The following DPF1 variants were observed in gnomAD, a reference collection of about 807,000 sequenced individuals.
DPF1 encodes zinc finger protein neuro-d4.
DPF1 carries 14 observed loss-of-function variants against 58.7 expected under a neutral mutation model. The observed-to-expected ratio is 0.24, with a 90% CI of 0.16 to 0.37. The LOEUF (loss-of-function observed/expected upper bound fraction) is 0.37. Among genes scored for constraint, DPF1 ranks in the 10% least tolerant of loss-of-function variants. The pLI is 1.00. For synonymous variants in DPF1, 216 were observed against 216.0 expected (o/e 1.00, Z 0.00); for missense variants, 345 against 529.9 (o/e 0.65, Z 3.43).
chr19:38,214,164 T>C (rs968073868), intron 9 of DPF1, among the ~76,000 whole-genome samples: 2 of 151,988 alleles, frequency 1.3e-5, no homozygotes, highest in East Asian at 3.9e-4. Flanking sequence ...AACCACACTC[T>C]CCCAGCCACA....
intron 9 of DPF1, among the ~76,000 whole-genome samples, chr19:38,215,590 ACC>A (rs745868762): frequency 4.6e-5 from 7 of 152,130 alleles, no homozygotes; most frequent in Non-Finnish European, 8.8e-5. Flanking sequence ...GGGGTGCAAC[ACC>A]ATGCCCAGCT....
chr19:38,217,979 G>A (rs536833363), intron 5 of DPF1, 103 bp from the exon 6 acceptor site: 9 of 1,151,408 alleles, frequency 7.8e-6, no homozygotes, highest in Middle Eastern at 2.5e-4. Flanking sequence ...CGAGGCAGGC[G>A]GATCACGAGG....
Position 38,212,235 on chromosome 19 carries a change from C to T in DPF1, c.1093+45G>A, listed in dbSNP as rs1410984689. 4.0e-6 allele frequency: 5 copies of T among 1,248,218 alleles called. No homozygotes were observed. In the East Asian group the frequency reaches 7.7e-5, roughly 19 times the overall value. The allele number at this position is 1,248,218 out of a possible 1,614,324, so 77.3% of individuals were successfully genotyped here. On this transcript the variant is annotated intron_variant, in intron 11 of 11. Transcript: ENST00000355526. The stretch of plus-strand genomic sequence containing the variant: ...ACAGTCTTCCACAACCAGGAGATGG[C>T]GTTCCCACCCACCCGCCCCATGGGA...
chr19:38,216,653 C>T, intron 7 of DPF1: 1 of 402,758 alleles, frequency 2.5e-6, no homozygotes, highest in Non-Finnish European at 4.3e-6. Flanking sequence ...GTCTCCAACT[C>T]CTGGCCTCCA....
At chr19:38,224,227 T>G, upstream of DPF1, 1 of 1,292,428 alleles carries the variant, frequency 7.7e-7, no homozygotes. This position sits in a 1 kb window ranked among gnomAD's most constrained non-coding sequence, Gnocchi z 4.5. Flanking sequence ...CGCCCATCCA[T>G]TCATTCCCGG....
chr19:38,213,528 C>T (rs1451002348), intron 10 of DPF1, 116 bp downstream of exon 10: 119 of 832,028 alleles, frequency 1.4e-4, no homozygotes, highest in African/African-American at 3.4e-5. Context: ...AATGATAACA[C>T]AGGGGACTGG....
chr19:38,226,993 TCTTCCTTCCTTCCTTC>T (rs71179424), upstream of DPF1, among the ~76,000 whole-genome samples: 7 of 71,712 alleles, frequency 9.8e-5, no homozygotes, highest in African/African-American at 2.5e-4. Flanking sequence ...CTTTTATTTC[TCTTCCTTCCTTCCTTC>T]CTTCCTTCCT....
At chr19:38,219,212 G>A in intron 3 of DPF1, 154 bp from the exon 4 acceptor site, 1 of 1,117,858 alleles carries the variant, frequency 8.9e-7, no homozygotes, top group Non-Finnish European at 1.3e-6. Flanking sequence ...CCCAGACTCT[G>A]GGGAGACCCA....
At chr19:38,224,342 G>C, upstream of DPF1, 1 of 1,229,788 alleles carries the variant, frequency 8.1e-7, no homozygotes, top group Non-Finnish European at 1.0e-6. The surrounding 1 kb of genome is among the most constrained non-coding windows in gnomAD (Gnocchi z 4.5). Flanking sequence ...GGGACCCCGC[G>C]GGGACGGGAC....
chr19:38,225,239 C>G (rs1323368051), upstream of DPF1, among the ~76,000 whole-genome samples: 5 of 149,788 alleles, frequency 3.3e-5, no homozygotes, highest in East Asian at 9.9e-4. Context: ...AGTGAGACTC[C>G]CTCTCAAAAA....
intron 9 of DPF1, 120 bp from the exon 10 acceptor site, chr19:38,213,876 G>A (rs1320812516): frequency 6.3e-6 from 5 of 790,680 alleles, no homozygotes; most frequent in Admixed American, 2.7e-5. Context: ...ATGAGCTGCC[G>A]GGATCCACAG....
At chr19:38,216,691 C>T (rs1237681944) in intron 7 of DPF1, among the ~76,000 whole-genome samples, 1 of 152,194 alleles carries the variant, frequency 6.6e-6, no homozygotes, top group African/African-American at 2.4e-5. Flanking sequence ...GCCACTGCCA[C>T]AAAGTGGCGG....
Position 38,222,558 on chromosome 19 carries a change from G to A in DPF1, c.180C>T (p.His60=), listed in dbSNP as rs1967577287. The change falls in exon 2 of 12, where the codon CAC becomes CAT. Residue 60 remains histidine (H), a synonymous_variant. Transcript: ENST00000355526. This position sits in a 1 kb window ranked among gnomAD's most constrained non-coding sequence, Gnocchi z 4.9. The part of the protein sequence containing the change: ...NNCYIWMEKT[H]RGPGLAPGQI... ...CCCTCCCGGCGGTACCCGGCCCGCGGTGGGTCTTCTCCATCCAGATGTAGC... is the reference window on the plus strand; with the variant it reads ...CCCTCCCGGCGGTACCCGGCCCGCGATGGGTCTTCTCCATCCAGATGTAGC... 6.2e-7 allele frequency: 1 copy of A among 1,608,768 alleles called. No individual in the cohort carries two copies. Among genetic ancestry groups the A allele is most frequent in the South Asian group, 1.1e-5 (1 of 90,532 alleles).
chr19:38,219,000 A>T lies in DPF1; in HGVS notation c.357T>A (p.Ala119=), dbSNP rs754300962. Residue 119 remains alanine, a synonymous_variant, in exon 4 of 12, where the codon GCT becomes GCA. Transcript: ENST00000355526. ...GGLPEGPVLE[A]LLCAETGEKK... is the part of the protein sequence containing the mutation. ...TCTCCCCCGTCTCTGCACACAGTAGAGCCTCGAGGACCGGCCCTTCCGGGA... is the reference window on the plus strand; with the variant it reads ...TCTCCCCCGTCTCTGCACACAGTAGTGCCTCGAGGACCGGCCCTTCCGGGA... The T allele has an allele frequency of 4.3e-6, 7 of 1,613,974 alleles. No homozygotes were observed. In the African/African-American group the frequency reaches 8.0e-5, roughly 18 times the overall value.
chr19:38,227,174 G>T (rs1967869471), upstream of DPF1, among the ~76,000 whole-genome samples: 1 of 150,950 alleles, frequency 6.6e-6, no homozygotes, highest in Non-Finnish European at 1.5e-5. Context: ...CACCTCCCAG[G>T]CTCAAGCGAT....
intron 7 of DPF1, 60 bp downstream of exon 7, chr19:38,217,398 GCT>G: frequency 1.5e-4 from 58 of 388,970 alleles, no homozygotes; most frequent in Admixed American, 2.9e-4. Flanking sequence ...CCCACCCCCA[GCT>G]GGGCTCCTCT....
intron 1 of DPF1, 176 bp downstream of exon 1, chr19:38,223,938 T>C: frequency 1.2e-6 from 1 of 842,834 alleles, no homozygotes; most frequent in Non-Finnish European, 1.6e-6. Flanking sequence ...GAGCGGTGCA[T>C]CCGACACCAT....
intron 3 of DPF1, chr19:38,219,302 GAC>G: frequency 3.7e-6 from 2 of 546,522 alleles, no homozygotes; most frequent in Non-Finnish European, 6.5e-6. Flanking sequence ...CTCAGAAAAA[GAC>G]ACAGTTAGGC....
At chr19:38,227,577 T>A (rs1967884097), upstream of DPF1, among the ~76,000 whole-genome samples, 1 of 152,108 alleles carries the variant, frequency 6.6e-6, no homozygotes. Context: ...ACAGTAGAAA[T>A]CAATTTCATA....
Sources: allele counts gnomAD v4.1 joint callset (sites outside exome capture counted in the v4.1 genomes callset), GRCh38; gene constraint gnomAD v4.1.1; non-coding constraint Gnocchi (gnomAD v3.1); transcripts MANE v1.5; gene names NCBI Gene and HGNC (gene_info 2026-07-23, HGNC 2026-07-21).